The following MDGA2 variants were observed in gnomAD, a reference collection of about 807,000 sequenced individuals.
The protein encoded by MDGA2 is MAM domain containing glycosylphosphatidylinositol anchor 2.
Under a neutral mutation model 117.8 loss-of-function variants are expected in MDGA2, and 40 were observed. The ratio of observed to expected loss-of-function variants is 0.34; its 90% CI spans 0.26 to 0.44. The LOEUF (loss-of-function observed/expected upper bound fraction) is 0.44. Ranked by LOEUF, MDGA2 falls within the 20% of genes least tolerant of loss-of-function variation. MDGA2 has a pLI of 1.00. For synonymous variants in MDGA2, 452 were observed against 439.0 expected (o/e 1.03, Z -0.37); for missense variants, 1,123 against 1,250.6 (o/e 0.90, Z 1.54).
chr14:46,845,366 G>A (rs1308190335), intron 16 of MDGA2, among the ~76,000 whole-genome samples: 1 of 152,144 alleles, frequency 6.6e-6, no homozygotes, highest in East Asian at 1.9e-4. Flanking sequence ...CCAGTGTTGG[G>A]CAGTTCTTTA....
chr14:47,529,459 C>A (rs1052129096), intron 1 of MDGA2, among the ~76,000 whole-genome samples: 1 of 152,062 alleles, frequency 6.6e-6, no homozygotes, highest in South Asian at 2.1e-4. Context: ...TATCCCCCCC[C>A]TCAGGTATTT....
chr14:47,656,925 T>C (rs990309693), intron 1 of MDGA2, among the ~76,000 whole-genome samples: 1 of 152,170 alleles, frequency 6.6e-6, no homozygotes, highest in African/African-American at 2.4e-5. Flanking sequence ...ACGGAATCGA[T>C]GCATGTAACT....
chr14:47,546,782 T>C (rs1464393951), intron 1 of MDGA2, among the ~76,000 whole-genome samples: 2 of 152,248 alleles, frequency 1.3e-5, no homozygotes, highest in African/African-American at 4.8e-5. Flanking sequence ...CTTGAGAATG[T>C]TTCTTGGTCT....
intron 8 of MDGA2, among the ~76,000 whole-genome samples, chr14:46,961,425 T>C (rs1404871073): frequency 6.6e-6 from 1 of 152,154 alleles, no homozygotes; most frequent in Non-Finnish European, 1.5e-5. Context: ...AATAAATTCG[T>C]CTGAGCTAAT....
intron 8 of MDGA2, among the ~76,000 whole-genome samples, chr14:46,964,476 G>C (rs1264046514): frequency 1.3e-5 from 2 of 152,166 alleles, no homozygotes; most frequent in Non-Finnish European, 2.9e-5. Context: ...AGTCTAAGCT[G>C]GTTCAGGAAG....
chr14:47,575,682 C>A (rs1037997486), intron 1 of MDGA2, among the ~76,000 whole-genome samples: 2 of 152,094 alleles, frequency 1.3e-5, no homozygotes, highest in East Asian at 3.9e-4. Context: ...TGTGTGTGAG[C>A]CACCCTTTCC....
rs1027649459 is a variant in MDGA2, at chr14:47,173,740, A to C, written c.596-29466T>G. Reference sequence around the variant, plus strand: ...TCAAGACTAGGAAGAAACTGCATCAACTAACGAGCAAAATAACCAGCTAAC... The same window carrying C: ...TCAAGACTAGGAAGAAACTGCATCACCTAACGAGCAAAATAACCAGCTAAC... On this transcript the variant is annotated intron_variant, in intron 3 of 16. Coordinates refer to ENST00000399232, the MANE Select transcript of MDGA2 (RefSeq NM_001113498.3). 2.0e-3 allele frequency among the ~76,000 whole-genome samples: 299 copies of C among 152,342 alleles called. 3 individuals carry two copies. The highest frequency in any genetic ancestry group is 6.0e-3 in the African/African-American group (248 of 41,564).
At chr14:47,474,268 C>T (rs1208403325) in intron 1 of MDGA2, among the ~76,000 whole-genome samples, 1 of 152,070 alleles carries the variant, frequency 6.6e-6, no homozygotes, top group Non-Finnish European at 1.5e-5. Context: ...AGGAATACAG[C>T]TAACATGGGA....
chr14:47,314,261 C>A (rs1889733361), intron 1 of MDGA2, among the ~76,000 whole-genome samples: 1 of 152,102 alleles, frequency 6.6e-6, no homozygotes, highest in Non-Finnish European at 1.5e-5. Context: ...ATGTCCCACC[C>A]ATAGTGTGCT....
chr14:47,069,928 G>T (rs573875319), intron 6 of MDGA2, among the ~76,000 whole-genome samples: 1 of 152,288 alleles, frequency 6.6e-6, no homozygotes, highest in South Asian at 2.1e-4. Context: ...CTGGTAAGAA[G>T]ATGAAGAGTG....
intron 1 of MDGA2, among the ~76,000 whole-genome samples, chr14:47,606,994 T>C (rs894670416): frequency 5.3e-5 from 8 of 152,158 alleles, no homozygotes; most frequent in African/African-American, 1.9e-4. Flanking sequence ...AAATTTTAAA[T>C]GGTAGAGGAA....
chr14:46,950,191 G>GAAA (rs1221931917), intron 9 of MDGA2, among the ~76,000 whole-genome samples: 9 of 151,836 alleles, frequency 5.9e-5, no homozygotes, highest in African/African-American at 2.2e-4. Flanking sequence ...ACTTCATTAA[G>GAAA]TGATACTTAC....
chr14:47,674,461 C>G, intron 1 of MDGA2, 56 bp downstream of exon 1: 1 of 1,470,314 alleles, frequency 6.8e-7, no homozygotes, highest in Non-Finnish European at 9.2e-7. Flanking sequence ...TTTTCGCTCA[C>G]CAGCCTATCT....
At chr14:47,186,009 T>C (rs1884896282) in intron 3 of MDGA2, among the ~76,000 whole-genome samples, 1 of 151,586 alleles carries the variant, frequency 6.6e-6, no homozygotes, top group African/African-American at 2.4e-5. Context: ...CAGTAATATG[T>C]GTACATATGT....
chr14:47,475,646 T>TA (rs1184012742), intron 1 of MDGA2, among the ~76,000 whole-genome samples: 1 of 152,126 alleles, frequency 6.6e-6, no homozygotes, highest in East Asian at 1.9e-4. Context: ...TATGCAGCCA[T>TA]AAAAAGGAAT....
rs533849103 is a variant in MDGA2 at position 47,528,903 on chromosome 14, A to C, written c.280+145614T>G. Among the ~76,000 whole-genome samples the C allele has an allele frequency of 1.3e-5, 2 of 152,290 alleles. 1 individual carries two copies. Among genetic ancestry groups the C allele is most frequent in the South Asian group, 4.1e-4 (2 of 4,830 alleles). On this transcript the variant is annotated intron_variant, in intron 1 of 16. Transcript: ENST00000399232. ...AATCTAAATATCTACTCTCAGGTAC[A>C]AACTATATATATTCCAAAAAATAAT...
At chr14:47,150,310 T>G (rs545755917) in intron 3 of MDGA2, among the ~76,000 whole-genome samples, 1 of 152,332 alleles carries the variant, frequency 6.6e-6, no homozygotes, top group South Asian at 2.1e-4. Flanking sequence ...GTTATACTTT[T>G]AAATAAGTCC....
chr14:46,975,587 G>GT (rs1351317069), intron 8 of MDGA2, among the ~76,000 whole-genome samples: 2 of 151,994 alleles, frequency 1.3e-5, no homozygotes, highest in African/African-American at 2.4e-5. Flanking sequence ...ACATAAACTA[G>GT]TAACAAAAAG....
chr14:47,451,474 T>C (rs556066626), intron 1 of MDGA2, among the ~76,000 whole-genome samples: 1 of 152,226 alleles, frequency 6.6e-6, no homozygotes, highest in East Asian at 1.9e-4. Context: ...TAACAGGATA[T>C]GATTCTGGGA....
Sources: allele counts gnomAD v4.1 joint callset (sites outside exome capture counted in the v4.1 genomes callset), GRCh38; gene constraint gnomAD v4.1.1; transcripts MANE v1.5; gene names NCBI Gene and HGNC (gene_info 2026-07-23, HGNC 2026-07-21).